The following GLMN variants were observed in gnomAD, a reference collection of about 807,000 sequenced individuals.
GLMN encodes the protein glomulin, FKBP associated protein, also known as glomulin.
In GLMN, 75 loss-of-function variants were observed where a neutral mutation model predicts 87.8. The ratio of observed to expected loss-of-function variants is 0.85; its 90% CI spans 0.71 to 1.04. The LOEUF (loss-of-function observed/expected upper bound fraction) is 1.04, where lower values mean the gene tolerates loss of function less well. Among genes scored for constraint, GLMN ranks in the 50% least tolerant of loss-of-function variants. The pLI is 0.00. For missense variants in GLMN, 588 were observed against 658.8 expected (o/e 0.89, Z 1.18); for synonymous variants, 206 against 221.6 (o/e 0.93, Z 0.63).
At chr1:92,335,761 T>C in the GLMN span, among the ~76,000 whole-genome samples, 1 of 152,202 alleles carries the variant, frequency 6.6e-6, no homozygotes, top group Admixed American at 6.5e-5. Context: ...TATAGCATAA[T>C]TTATCTAACC....
intron 10 of GLMN, 36 bp from the exon 11 acceptor site, chr1:92,268,038 G>A (rs546537881): frequency 2.9e-6 from 4 of 1,360,926 alleles, no homozygotes; most frequent in African/African-American, 2.8e-5. Context: ...CATATATAGT[G>A]AAGTCAACAG....
intron 18 of GLMN, 121 bp from the exon 19 acceptor site, chr1:92,246,767 G>C (rs1652722370): frequency 2.8e-6 from 2 of 725,270 alleles, no homozygotes; most frequent in African/African-American, 3.5e-5. Context: ...ACAGTGGTTT[G>C]CACCTGTAAT....
At chr1:92,342,119 A>G in the GLMN span, among the ~76,000 whole-genome samples, 43 of 152,334 alleles carry the variant, frequency 2.8e-4, no homozygotes, top group African/African-American at 8.9e-4. Context: ...GTACAAAAAT[A>G]TGCCCTTTTC....
At chr1:92,294,891 C>G (rs1254959882) in intron 3 of GLMN, among the ~76,000 whole-genome samples, 1 of 152,176 alleles carries the variant, frequency 6.6e-6, no homozygotes, top group African/African-American at 2.4e-5. Flanking sequence ...GTTGGCCAGG[C>G]TGGTCTCGAA....
the GLMN span, among the ~76,000 whole-genome samples, chr1:92,326,887 T>G: frequency 6.6e-6 from 1 of 152,206 alleles, no homozygotes; most frequent in African/African-American, 2.4e-5. Context: ...CTCTCACCTG[T>G]GAGAACAAGT....
chr1:92,335,362 A>C, the GLMN span, among the ~76,000 whole-genome samples: 4 of 152,194 alleles, frequency 2.6e-5, no homozygotes, highest in African/African-American at 7.2e-5. Context: ...GAAACTTTTT[A>C]TACTATCACA....
chr1:92,263,017 A>G, intron 15 of GLMN, 91 bp from the exon 16 acceptor site: 1 of 615,072 alleles, frequency 1.6e-6, no homozygotes. Context: ...TATTTTTATA[A>G]TTAGGTTTGC....
At chr1:92,342,633 A>G in the GLMN span, among the ~76,000 whole-genome samples, 2 of 152,224 alleles carry the variant, frequency 1.3e-5, no homozygotes, top group Non-Finnish European at 2.9e-5. Context: ...AGAAATAGCC[A>G]GGACTATTTT....
At chr1:92,346,007 C>T in the GLMN span, 1 of 863,360 alleles carries the variant, frequency 1.2e-6, no homozygotes, top group African/African-American at 1.7e-5. Flanking sequence ...TGTAAACTGC[C>T]TTGGAAAATA....
chr1:92,269,227 G>C (rs1234889733), intron 9 of GLMN, among the ~76,000 whole-genome samples: 1 of 147,984 alleles, frequency 6.8e-6, no homozygotes, highest in African/African-American at 2.5e-5. Context: ...TAAATAGAAA[G>C]TCCTGCTGCT....
chr1:92,299,145 AG>A, upstream of GLMN: 1 of 1,511,634 alleles, frequency 6.6e-7, no homozygotes, highest in South Asian at 1.3e-5. Context: ...GAAAAGCCGC[AG>A]GTAGGAGCAA....
intron 3 of GLMN, among the ~76,000 whole-genome samples, chr1:92,296,006 T>C (rs1479336610): frequency 6.6e-6 from 1 of 152,186 alleles, no homozygotes; most frequent in Non-Finnish European, 1.5e-5. Flanking sequence ...TACAAAGTTA[T>C]CATAAACATG....
the GLMN span, among the ~76,000 whole-genome samples, chr1:92,342,930 C>T: frequency 0.48 from 72,206 of 151,892 alleles, 18,168 homozygotes; most frequent in East Asian, 0.96. Flanking sequence ...ATTAGACATC[C>T]AAGTAGAAGT....
chr1:92,357,677 A>G, the GLMN span, among the ~76,000 whole-genome samples: 2 of 152,176 alleles, frequency 1.3e-5, no homozygotes, highest in Admixed American at 1.3e-4. Context: ...GACTATAGGC[A>G]TGCGCCACCA....
chr1:92,286,439 T>C (rs1250260158), intron 7 of GLMN, 51 bp downstream of exon 7: 1 of 879,918 alleles, frequency 1.1e-6, no homozygotes, highest in Admixed American at 1.7e-5. Context: ...GTACTGAGAA[T>C]ATAGTGGGAT....
Position 92,291,537 on chromosome 1 carries a change from C to T in GLMN, c.166G>A (p.Val56Ile), listed in dbSNP as rs199704366. ...TTCCAGCCCATATTCTTGATGATGA[C>T]CTGTAAAAACATTTTCAGAGTAAAG... ...LEIIQNEKNK[V>I]IIKNMGWNLV... is the part of the protein sequence containing the mutation. The change falls in exon 4 of 19, where the codon GTC becomes ATC. Residue 56 changes from valine to isoleucine, a missense_variant and splice_region_variant. Physicochemically the swap from Val to Ile is conservative, Grantham distance 29. Transcript: ENST00000370360. 3.1e-6 allele frequency: 5 copies of T among 1,613,654 alleles called. No homozygotes were observed. Among genetic ancestry groups the T allele is most frequent in the African/African-American group, 1.3e-5 (1 of 75,006 alleles).
chr1:92,272,537 G>A (rs1396269350), intron 7 of GLMN, among the ~76,000 whole-genome samples: 2 of 152,144 alleles, frequency 1.3e-5, no homozygotes, highest in Non-Finnish European at 1.5e-5. Flanking sequence ...ATATTTGAGA[G>A]CAATCTGAAA....
At chr1:92,339,479 TAATTTTGGGAC>T in the GLMN span, among the ~76,000 whole-genome samples, 2 of 152,088 alleles carry the variant, frequency 1.3e-5, no homozygotes, top group African/African-American at 2.4e-5. Context: ...ATAATAATAA[TAATTTTGGGAC>T]AAATACCTCA....
chr1:92,342,849 G>A, the GLMN span, among the ~76,000 whole-genome samples: 6 of 152,068 alleles, frequency 3.9e-5, no homozygotes, highest in East Asian at 1.2e-3. Context: ...AGATAGGAGT[G>A]TCACACCATC....
Sources: gnomAD v4.1 joint callset for allele counts (sites outside exome capture counted in the v4.1 genomes callset) on GRCh38, gnomAD v4.1.1 for gene constraint, MANE v1.5 for transcripts, NCBI Gene and HGNC (gene_info 2026-07-23, HGNC 2026-07-21) for gene names.